Variants in GPM6A observed in about 807,000 individuals in gnomAD.
GPM6A encodes the protein neuronal membrane glycoprotein M6-a.
Under a neutral mutation model 32.1 loss-of-function variants are expected in GPM6A, and 7 were observed. That is an observed-to-expected ratio of 0.22 (90% confidence interval 0.12 to 0.41). The LOEUF (loss-of-function observed/expected upper bound fraction) is 0.41. Among genes scored for constraint, GPM6A ranks in the 10% least tolerant of loss-of-function variants. The pLI is 1.00. For missense variants in GPM6A, 235 were observed against 347.2 expected (o/e 0.68, Z 2.57); for synonymous variants, 130 against 123.4 (o/e 1.05, Z -0.35).
chr4:175,671,994 A>AAAG lies in GPM6A; in HGVS notation c.387+1685_387+1686insCTT, dbSNP rs1553971698. The stretch of plus-strand genomic sequence containing the variant: ...ATTGTTACCATTATAGAAAAAAAAA[A>AAAG]AAAGAAAGAAAGAAAACGTGGCTCA... On this transcript the variant is annotated intron_variant, in intron 3 of 6. Transcript: ENST00000393658. Among the ~76,000 whole-genome samples, 288 of 147,294 alleles carry AAAG rather than the reference A, an allele frequency of 2.0e-3. 4 individuals are homozygous for AAAG. The highest frequency in any genetic ancestry group is 5.3e-3 in the South Asian group (25 of 4,696).
intron 1 of GPM6A, among the ~76,000 whole-genome samples, chr4:175,948,220 G>A (rs1184601989): frequency 6.6e-6 from 1 of 152,162 alleles, no homozygotes; most frequent in East Asian, 1.9e-4. Context: ...TTCACATGTT[G>A]AAATCCTAAC....
intron 1 of GPM6A, among the ~76,000 whole-genome samples, chr4:175,882,901 C>T (rs1826763): frequency 0.58 from 87,850 of 151,736 alleles, 25,560 homozygotes; most frequent in East Asian, 0.7. Context: ...CTTGGAAAAA[C>T]TGATAGAAAT....
chr4:175,655,726 G>A (rs1462582683), intron 3 of GPM6A, among the ~76,000 whole-genome samples: 1 of 151,918 alleles, frequency 6.6e-6, no homozygotes, highest in African/African-American at 2.4e-5. Context: ...AATGATAAAA[G>A]TACTACTGAA....
At chr4:175,844,178 C>A (rs1245686016) in intron 1 of GPM6A, among the ~76,000 whole-genome samples, 1 of 152,162 alleles carries the variant, frequency 6.6e-6, no homozygotes, top group African/African-American at 2.4e-5. Context: ...ATTGCAAAAG[C>A]TTTTAATAAA....
intron 6 of GPM6A, among the ~76,000 whole-genome samples, chr4:175,636,667 G>A (rs577270573): frequency 2.1e-3 from 312 of 150,784 alleles, no homozygotes; most frequent in African/African-American, 7.2e-3. Context: ...GTGGTGCCAC[G>A]TGCCTGTAAT....
chr4:175,962,558 A>G, intron 1 of GPM6A: 1 of 431,338 alleles, frequency 2.3e-6, no homozygotes, highest in South Asian at 1.9e-5. Context: ...TCTGCTCTGC[A>G]GCCTCCTGTA....
intron 1 of GPM6A, 177 bp downstream of exon 1, chr4:175,812,011 AAAT>A (rs2111331542): frequency 1.8e-6 from 1 of 540,848 alleles, no homozygotes; most frequent in Non-Finnish European, 3.3e-6. Flanking sequence ...AAAGATTTGC[AAAT>A]AATGACAACA....
intron 1 of GPM6A, among the ~76,000 whole-genome samples, chr4:175,900,778 C>T (rs765543366): frequency 6.6e-6 from 1 of 152,086 alleles, no homozygotes; most frequent in Non-Finnish European, 1.5e-5. Flanking sequence ...TTGGTAGATA[C>T]CCCAAATAAA....
chr4:175,748,517 T>G (rs1302769129), intron 1 of GPM6A, among the ~76,000 whole-genome samples: 1 of 152,152 alleles, frequency 6.6e-6, no homozygotes, highest in Non-Finnish European at 1.5e-5. Flanking sequence ...AAATACATCA[T>G]TTTTTTCTGA....
chr4:175,925,911 G>A (rs1738825057), intron 1 of GPM6A, among the ~76,000 whole-genome samples: 1 of 149,690 alleles, frequency 6.7e-6, no homozygotes, highest in Admixed American at 6.7e-5. Context: ...AAGTGCAATG[G>A]CGTGAGGTCA....
At chr4:175,679,574 C>A (rs1055968506) in intron 2 of GPM6A, among the ~76,000 whole-genome samples, 2 of 152,106 alleles carry the variant, frequency 1.3e-5, no homozygotes, top group Non-Finnish European at 2.9e-5. Flanking sequence ...ATTGCCAGAC[C>A]CAATCTTCTT....
intron 1 of GPM6A, chr4:175,961,978 A>G (rs908323003): frequency 3.8e-6 from 2 of 522,198 alleles, no homozygotes; most frequent in African/African-American, 3.9e-5. Flanking sequence ...CACCACAGCA[A>G]TAGGGCTCTT....
At chr4:175,783,763 A>C (rs1733696192) in intron 1 of GPM6A, among the ~76,000 whole-genome samples, 1 of 118,818 alleles carries the variant, frequency 8.4e-6, no homozygotes, top group South Asian at 4.2e-4. Context: ...TTACAGACAA[A>C]AAAATAGAAA....
chr4:175,851,508 T>C (rs925577087), intron 1 of GPM6A, among the ~76,000 whole-genome samples: 10 of 149,340 alleles, frequency 6.7e-5, no homozygotes, highest in East Asian at 2.0e-4. Context: ...AAAAAGACTG[T>C]AGTCTCCAAA....
chr4:175,804,517 G>C (rs879457781), intron 1 of GPM6A, among the ~76,000 whole-genome samples: 3 of 152,068 alleles, frequency 2.0e-5, no homozygotes, highest in African/African-American at 4.8e-5. Context: ...TAAAGTCAAA[G>C]AACATTTGAT....
At position 175,948,714 on chromosome 4, in the gene GPM6A, T is replaced by C. The variant is rs1181418996; in HGVS notation, c.-23+53595A>G. 5.3e-5 allele frequency among the ~76,000 whole-genome samples: 8 copies of C among 151,576 alleles called. No homozygotes were observed. The East Asian group carries it at 9.6e-4, about 18-fold the overall frequency. ...AAATGCTAACTGGAAGTGAGAAGAATTATAATTGTGATTCTGTCTTTTCCT... is the reference window on the plus strand; with the variant it reads ...AAATGCTAACTGGAAGTGAGAAGAACTATAATTGTGATTCTGTCTTTTCCT... On this transcript the variant is annotated intron_variant, in intron 1 of 7. Coordinates refer to the GPM6A transcript ENST00000280187.
At chr4:175,838,470 A>G (rs949044257) in intron 1 of GPM6A, among the ~76,000 whole-genome samples, 1 of 151,034 alleles carries the variant, frequency 6.6e-6, no homozygotes, top group African/African-American at 2.4e-5. Flanking sequence ...TACTGCACTA[A>G]ATGCTAGTTC....
At chr4:175,975,451 GATT>G (rs1204924107) in intron 1 of GPM6A, among the ~76,000 whole-genome samples, 1 of 152,140 alleles carries the variant, frequency 6.6e-6, no homozygotes, top group Non-Finnish European at 1.5e-5. Context: ...CCTTGATCAT[GATT>G]ATATTTTCAG....
intron 1 of GPM6A, among the ~76,000 whole-genome samples, chr4:175,995,663 G>C (rs1008852075): frequency 1.2e-4 from 19 of 152,166 alleles, no homozygotes; most frequent in African/African-American, 4.3e-4. Context: ...TGGGACCCAG[G>C]AATCAGTATT....
Sources: allele counts gnomAD v4.1 joint callset (sites outside exome capture counted in the v4.1 genomes callset), GRCh38; gene constraint gnomAD v4.1.1; transcripts MANE v1.5; gene names NCBI Gene and HGNC (gene_info 2026-07-23, HGNC 2026-07-21).